Variants in PTPRA observed in about 807,000 individuals in gnomAD.
PTPRA encodes receptor-type tyrosine-protein phosphatase alpha.
PTPRA carries 25 observed loss-of-function variants against 104.8 expected under a neutral mutation model. That is an observed-to-expected ratio of 0.24 (90% confidence interval 0.17 to 0.33). The LOEUF (loss-of-function observed/expected upper bound fraction) is 0.33, where lower values mean the gene tolerates loss of function less well. Among genes scored for constraint, PTPRA ranks in the 10% least tolerant of loss-of-function variants. PTPRA has a pLI of 1.00. For synonymous variants in PTPRA, 323 were observed against 368.9 expected (o/e 0.88, Z 1.43); for missense variants, 765 against 1,015.3 (o/e 0.75, Z 3.35).
In PTPRA at chr20:2,917,700, A is replaced by G. The variant is rs1600109556; in HGVS notation, c.-128-5507A>G. Among the ~76,000 whole-genome samples, 3 of 152,294 alleles carry G rather than the reference A, an allele frequency of 2.0e-5. No homozygotes were observed. The East Asian group carries it at 5.8e-4, about 29-fold the overall frequency. On this transcript the variant is annotated intron_variant, in intron 1 of 23. Coordinates refer to ENST00000399903, the MANE Select transcript of PTPRA (RefSeq NM_001385305.1). ...ATTAGAAAAAGATAGAGCTGGGTGT[A>G]GTGGCACATGCCTGTAATCCCAGCT...
rs747792854 is a variant in PTPRA, at chr20:3,022,197, A to G, written c.1305A>G (p.Ala435=). 1.2e-6 allele frequency: 2 copies of G among 1,614,200 alleles called. No homozygotes were observed. Among genetic ancestry groups the G allele is most frequent in the Admixed American group, 1.7e-5 (1 of 60,024 alleles). Residue 435 remains alanine, a synonymous_variant, in exon 15 of 24, where the codon GCA becomes GCG. Coordinates refer to ENST00000399903, the MANE Select transcript of PTPRA (RefSeq NM_001385305.1). The surrounding 1 kb of genome is among the most constrained non-coding windows in gnomAD (Gnocchi z 4.6). ...KKVKACNPQY[A]GAIVVHCSAG... ...TGAAGGCCTGTAACCCTCAGTATGC[A>G]GGGGCCATCGTGGTCCACTGCAGGT...
chr20:2,911,043 ACTTTGC>A (rs2059705896), intron 1 of PTPRA, among the ~76,000 whole-genome samples: 2 of 150,980 alleles, frequency 1.3e-5, no homozygotes, highest in Non-Finnish European at 2.9e-5. Context: ...GGTATGAGCC[ACTTTGC>A]CTGGCTATCT....
At chr20:2,977,969 G>A (rs1031499486) in intron 6 of PTPRA, among the ~76,000 whole-genome samples, 1 of 151,976 alleles carries the variant, frequency 6.6e-6, no homozygotes, top group Non-Finnish European at 1.5e-5. Flanking sequence ...ATGTGCTTTG[G>A]GAAGTTTAAA....
intron 16 of PTPRA, among the ~76,000 whole-genome samples, chr20:3,023,082 T>C (rs560049932): frequency 1.3e-5 from 2 of 152,252 alleles, no homozygotes; most frequent in Non-Finnish European, 2.9e-5. Flanking sequence ...CCCAACCCTG[T>C]GCTCGCAGAA....
rs1202883461 is a variant in PTPRA, at chr20:2,949,474, G to A, written c.-7+1450G>A. 6.6e-5 allele frequency among the ~76,000 whole-genome samples: 10 copies of A among 151,082 alleles called. 1 individual carries two copies. Among genetic ancestry groups the A allele is most frequent in the Admixed American group, 1.3e-4 (2 of 15,148 alleles). On this transcript the variant is annotated intron_variant, in intron 3 of 23. Transcript: ENST00000399903. ...TTTCTTTTTCTTTTTAAAATTTTTC[G>A]TAGAGACAAGGTTTTGCTATGTTGT...
intron 5 of PTPRA, among the ~76,000 whole-genome samples, chr20:2,966,260 C>G: frequency 6.6e-6 from 1 of 152,218 alleles, no homozygotes; most frequent in East Asian, 1.9e-4. Context: ...AATCCCAGCT[C>G]TTCCATAAAC....
At chr20:2,981,643 G>A (rs1431210346) in intron 6 of PTPRA, among the ~76,000 whole-genome samples, 6 of 152,310 alleles carry the variant, frequency 3.9e-5, no homozygotes, top group African/African-American at 1.2e-4. Flanking sequence ...TCTACTCTGT[G>A]TAGAGCACTG....
At chr20:2,991,900 A>C (rs1280224481) in intron 9 of PTPRA, among the ~76,000 whole-genome samples, 2 of 152,202 alleles carry the variant, frequency 1.3e-5, no homozygotes, top group African/African-American at 4.8e-5. Flanking sequence ...CCTGACTTCC[A>C]GTGAGATAAG....
intron 3 of PTPRA, among the ~76,000 whole-genome samples, chr20:2,954,182 A>G (rs2061454811): frequency 7.0e-6 from 1 of 143,702 alleles, no homozygotes; most frequent in East Asian, 2.1e-4. Flanking sequence ...GGTTCAAGTG[A>G]TTTTCCTGCC....
intron 2 of PTPRA, among the ~76,000 whole-genome samples, chr20:2,939,574 G>A (rs1170123857): frequency 6.6e-6 from 1 of 152,190 alleles, no homozygotes; most frequent in African/African-American, 2.4e-5. Context: ...TTTACCTAGA[G>A]AGGGCAGGCT....
chr20:2,881,133 C>T (rs1366649397), intron 1 of PTPRA, among the ~76,000 whole-genome samples: 2 of 151,780 alleles, frequency 1.3e-5, no homozygotes, highest in African/African-American at 4.8e-5. Flanking sequence ...ACAGTGAAAC[C>T]CCATCTCTAC....
chr20:2,913,180 A>G (rs1600103906), intron 1 of PTPRA, among the ~76,000 whole-genome samples: 1 of 152,096 alleles, frequency 6.6e-6, no homozygotes, highest in Non-Finnish European at 1.5e-5. Context: ...GTTTGAGACC[A>G]GCTTGGCCAA....
At chr20:3,015,394 A>G (rs951267311) in intron 11 of PTPRA, among the ~76,000 whole-genome samples, 1 of 142,592 alleles carries the variant, frequency 7.0e-6, no homozygotes, top group Non-Finnish European at 1.5e-5. Context: ...TGCAACCTCC[A>G]CCTCCCAGGT....
intron 2 of PTPRA, among the ~76,000 whole-genome samples, chr20:2,942,135 T>C (rs1325851687): frequency 6.6e-6 from 1 of 152,224 alleles, no homozygotes; most frequent in African/African-American, 2.4e-5. Context: ...AAACCAGTTC[T>C]GTAAACCAGC....
chr20:2,865,338 C>A, the PTPRA span: 2 of 1,614,078 alleles, frequency 1.2e-6, no homozygotes, highest in East Asian at 4.5e-5. The surrounding 1 kb of genome is among the most constrained non-coding windows in gnomAD (Gnocchi z 5.2). Flanking sequence ...GCCCAGGCTG[C>A]ATGTGGGTCC....
intron 1 of PTPRA, among the ~76,000 whole-genome samples, chr20:2,876,727 AT>A (rs2089742510): frequency 6.6e-6 from 1 of 152,166 alleles, no homozygotes; most frequent in Non-Finnish European, 1.5e-5. Context: ...ATATGTCTGC[AT>A]TTTTGATTTG....
At chr20:2,874,886 C>T (rs1168327614) in intron 1 of PTPRA, among the ~76,000 whole-genome samples, 2 of 152,172 alleles carry the variant, frequency 1.3e-5, no homozygotes, top group Non-Finnish European at 2.9e-5. Context: ...CGCTTGCTGG[C>T]TAGTATTCAG....
At chr20:2,989,890 A>G (rs754631996) in intron 9 of PTPRA, among the ~76,000 whole-genome samples, 17 of 151,882 alleles carry the variant, frequency 1.1e-4, no homozygotes, top group South Asian at 2.1e-4. Flanking sequence ...GGTGGTGGGC[A>G]CCTATAGTTG....
intron 2 of PTPRA, among the ~76,000 whole-genome samples, chr20:2,947,235 G>T (rs2061169277): frequency 6.6e-6 from 1 of 152,140 alleles, no homozygotes; most frequent in East Asian, 1.9e-4. Flanking sequence ...TCTATGGATT[G>T]TAGAGCTTAA....
Sources: gnomAD v4.1 joint callset for allele counts (sites outside exome capture counted in the v4.1 genomes callset) on GRCh38, gnomAD v4.1.1 for gene constraint, Gnocchi (gnomAD v3.1) non-coding constraint, MANE v1.5 for transcripts, NCBI Gene and HGNC (gene_info 2026-07-23, HGNC 2026-07-21) for gene names.